Variants in RSPRY1 observed in about 807,000 individuals in gnomAD.
The protein encoded by RSPRY1 is RING finger and SPRY domain-containing protein 1.
RSPRY1 carries 23 observed loss-of-function variants against 73.1 expected under a neutral mutation model. The observed-to-expected ratio is 0.31, with a 90% CI of 0.23 to 0.45. The LOEUF is 0.45. Ranked by LOEUF, RSPRY1 falls within the 20% of genes least tolerant of loss-of-function variation. The pLI is 1.00. For missense variants in RSPRY1, 448 were observed against 698.7 expected (o/e 0.64, Z 4.05); for synonymous variants, 226 against 251.4 (o/e 0.90, Z 0.95).
chr16:57,190,913 G>A (rs1567479702), intron 1 of RSPRY1, among the ~76,000 whole-genome samples: 2 of 152,160 alleles, frequency 1.3e-5, no homozygotes, highest in African/African-American at 4.8e-5. Context: ...AAATAGTGGT[G>A]GCCTCTTAGA....
In RSPRY1 at chr16:57,228,659, A is replaced by G. The variant is rs370294729; in HGVS notation, c.1273+1206A>G. 2.0e-4 allele frequency among the ~76,000 whole-genome samples: 31 copies of G among 152,236 alleles called. No homozygotes were observed. In the South Asian group the frequency reaches 6.0e-3, roughly 30 times the overall value. On this transcript the variant is annotated intron_variant, in intron 11 of 14. Coordinates refer to ENST00000394420, the MANE Select transcript of RSPRY1 (RefSeq NM_133368.3). ...GTTGTTGTTATACTTAATACCTTGA[A>G]CAGCTTTCCAGGTTATTAAATAACA...
chr16:57,217,204 C>T (rs2074956128), intron 8 of RSPRY1, among the ~76,000 whole-genome samples, 169 bp downstream of exon 8: 1 of 152,194 alleles, frequency 6.6e-6, no homozygotes, highest in African/African-American at 2.4e-5. Flanking sequence ...ACCCTTTAGA[C>T]AAGAATTACA....
At chr16:57,194,668 C>A (rs146822629) in intron 1 of RSPRY1, among the ~76,000 whole-genome samples, 15 of 152,234 alleles carry the variant, frequency 9.9e-5, no homozygotes, top group African/African-American at 3.4e-4. Context: ...TCTGGTTTTT[C>A]TTCTTTATGG....
In RSPRY1 at chr16:57,240,376, A is replaced by T. The variant is rs755671197; in HGVS notation, c.*1401A>T. 6.6e-6 allele frequency: 1 copy of T among 151,446 alleles called. No individual in the cohort carries two copies. Among genetic ancestry groups the T allele is most frequent in the Non-Finnish European group, 1.5e-5 (1 of 67,896 alleles). 9.4% of individuals were successfully genotyped at this position (151,446 alleles called of 1,614,324 possible). A position where few individuals can be genotyped will look rare whatever the true frequency, so the allele number is the denominator to read the frequency against. On this transcript the variant is annotated 3_prime_UTR_variant, in exon 15 of 15. Transcript: ENST00000394420. Reference sequence around the variant, plus strand: ...ACACACACAAAAAATATATATATATATAAATATATATGTAGGATACATGTT... The same window carrying T: ...ACACACACAAAAAATATATATATATTTAAATATATATGTAGGATACATGTT...
At chr16:57,220,916 C>T in intron 9 of RSPRY1, 69 bp downstream of exon 9, 1 of 1,142,542 alleles carries the variant, frequency 8.8e-7, no homozygotes, top group Non-Finnish European at 1.3e-6. Context: ...CTTGCATAGC[C>T]AGTTGTCTTA....
chr16:57,202,935 C>G (rs974085798), intron 1 of RSPRY1, among the ~76,000 whole-genome samples: 2 of 144,164 alleles, frequency 1.4e-5, no homozygotes, highest in Non-Finnish European at 3.0e-5. Flanking sequence ...CCATTTTTCT[C>G]TTTTTCTTCT....
intron 2 of RSPRY1, among the ~76,000 whole-genome samples, chr16:57,207,127 A>G (rs1427594461): frequency 6.6e-6 from 1 of 152,226 alleles, no homozygotes; most frequent in African/African-American, 2.4e-5. Context: ...GGACCTGTGT[A>G]AAAATTTATC....
intron 12 of RSPRY1, 97 bp from the exon 13 acceptor site, chr16:57,231,070 G>C: frequency 8.6e-7 from 1 of 1,159,522 alleles, no homozygotes; most frequent in Non-Finnish European, 1.2e-6. Context: ...GCCAGGGTAG[G>C]ATTGACTCAC....
intron 11 of RSPRY1, 55 bp downstream of exon 11, chr16:57,227,508 A>G (rs1416365955): frequency 4.0e-6 from 5 of 1,240,890 alleles, no homozygotes; most frequent in Admixed American, 1.7e-5. Flanking sequence ...TCTGGTTATT[A>G]TGAGGCATTT....
At chr16:57,227,541 C>T in intron 11 of RSPRY1, 88 bp downstream of exon 11, 1 of 894,254 alleles carries the variant, frequency 1.1e-6, no homozygotes, top group Non-Finnish European at 1.8e-6. Flanking sequence ...CTTAAAATGT[C>T]TTAGGAGAAG....
At chr16:57,229,328 G>A (rs777443745) in intron 11 of RSPRY1, among the ~76,000 whole-genome samples, 3 of 152,148 alleles carry the variant, frequency 2.0e-5, no homozygotes, top group Non-Finnish European at 4.4e-5. Context: ...TGGGCCAGAC[G>A]TGGTGGCTCA....
chr16:57,214,687 G>A (rs112220061), intron 6 of RSPRY1, among the ~76,000 whole-genome samples: 8 of 152,362 alleles, frequency 5.3e-5, no homozygotes, highest in East Asian at 1.9e-4. Flanking sequence ...AAGGTAATTA[G>A]CCTCCATTTT....
intron 6 of RSPRY1, 49 bp from the exon 7 acceptor site, chr16:57,216,058 G>T (rs759885878): frequency 1.4e-6 from 2 of 1,392,344 alleles, no homozygotes; most frequent in Non-Finnish European, 1.0e-6. Context: ...TGCCACCTCT[G>T]CAGGGGAATG....
chr16:57,236,648 A>C (rs1254889775), intron 14 of RSPRY1, among the ~76,000 whole-genome samples: 1 of 152,246 alleles, frequency 6.6e-6, no homozygotes, highest in African/African-American at 2.4e-5. Context: ...CTTTCAGGGA[A>C]TAGGTAGCCC....
intron 8 of RSPRY1, among the ~76,000 whole-genome samples, chr16:57,217,346 C>T (rs2074958049): frequency 6.6e-6 from 1 of 152,160 alleles, no homozygotes; most frequent in African/African-American, 2.4e-5. Context: ...TCCCACTGTC[C>T]TACAAACAGG....
At chr16:57,208,217 A>G (rs2074762913) in intron 3 of RSPRY1, 107 bp downstream of exon 3, 3 of 672,132 alleles carry the variant, frequency 4.5e-6, no homozygotes, top group Admixed American at 2.7e-5. Context: ...AAAGACTCCA[A>G]AAATACAGCA....
rs1270545866 is a variant in RSPRY1, at chr16:57,230,760, C to G, written c.1323C>G (p.Phe441Leu). The change falls in exon 12 of 15, where the codon TTC becomes TTG. Residue 441 changes from phenylalanine (F) to leucine (L), a missense_variant. By Grantham distance (22) the Phe-to-Leu change is conservative (BLOSUM62 0). Transcript: ENST00000394420. ...LLDLNEKQMIFFLNGNQLPPE... is the reference protein window; with the variant it reads ...LLDLNEKQMILFLNGNQLPPE... ...ACTTGAATGAAAAGCAAATGATCTT[C>G]TTTTTAAATGGCAACCAGCTGCCTC... 6.2e-7 allele frequency: 1 copy of G among 1,612,012 alleles called. No homozygotes were observed. Among genetic ancestry groups the G allele is most frequent in the Non-Finnish European group, 8.5e-7 (1 of 1,178,942 alleles).
Position 57,204,578 on chromosome 16 carries a change from C to A in RSPRY1, c.-81C>A, listed in dbSNP as rs73553028. On this transcript the variant is annotated 5_prime_UTR_variant, in exon 2 of 15. Transcript: ENST00000394420. Reference sequence around the variant, plus strand: ...AAGCTCTGCAACTTTCTTTGGCATTCAGTTGTTAAAAACAAATAGGATGCA... The same window carrying A: ...AAGCTCTGCAACTTTCTTTGGCATTAAGTTGTTAAAAACAAATAGGATGCA... 3.0e-5 allele frequency: 38 copies of A among 1,260,948 alleles called. No homozygotes were observed. The African/African-American group carries it at 5.3e-4, about 18-fold the overall frequency. 78.1% of individuals were successfully genotyped at this position (1,260,948 alleles called of 1,614,324 possible).
Position 57,239,011 on chromosome 16 carries a change from C to A in RSPRY1, c.*36C>A. ...GAGGCATCGTGGACTTTTTTCTACT[C>A]AATTCCAGCCAATGTTGAAAAGAAA... On this transcript the variant is annotated 3_prime_UTR_variant, in exon 15 of 15. Coordinates refer to ENST00000394420, the MANE Select transcript of RSPRY1 (RefSeq NM_133368.3). 2 of 1,084,562 alleles carry A rather than the reference C, an allele frequency of 1.8e-6. No homozygotes were observed. The highest frequency in any genetic ancestry group is 1.4e-5 in the South Asian group (1 of 71,530). The allele number at this position is 1,084,562 out of a possible 1,614,324, so 67.2% of individuals were successfully genotyped here.
Sources: allele counts gnomAD v4.1 joint callset (sites outside exome capture counted in the v4.1 genomes callset), GRCh38; gene constraint gnomAD v4.1.1; transcripts MANE v1.5; gene names NCBI Gene and HGNC (gene_info 2026-07-23, HGNC 2026-07-21).